The following TBC1D22A variants were observed in gnomAD, a reference collection of about 807,000 sequenced individuals.
TBC1D22A encodes putative GTPase activator.
In TBC1D22A, 38 loss-of-function variants were observed where a neutral mutation model predicts 60.2. That is an observed-to-expected ratio of 0.63 (90% CI 0.49 to 0.83). The LOEUF (loss-of-function observed/expected upper bound fraction) is 0.83. Among genes scored for constraint, TBC1D22A ranks in the 40% least tolerant of loss-of-function variants. The probability of loss-of-function intolerance (pLI) is 0.00; values close to 1 mark genes in which losing one functional copy is unlikely to be tolerated. For missense variants in TBC1D22A, 628 were observed against 701.0 expected (o/e 0.90, Z 1.18); for synonymous variants, 302 against 281.7 (o/e 1.07, Z -0.72).
chr22:47,078,878 A>G (rs1274611800), intron 11 of TBC1D22A, among the ~76,000 whole-genome samples: 3 of 151,438 alleles, frequency 2.0e-5, no homozygotes, highest in East Asian at 1.9e-4. Flanking sequence ...GTAGTATGAT[A>G]GAGAGTATTG....
chr22:47,127,521 C>G (rs1335728759), intron 12 of TBC1D22A, among the ~76,000 whole-genome samples: 3 of 151,940 alleles, frequency 2.0e-5, no homozygotes, highest in African/African-American at 4.8e-5. Context: ...CACCACCACG[C>G]CCAGCCTGGA....
chr22:46,920,210 G>C (rs1469893374), intron 8 of TBC1D22A, among the ~76,000 whole-genome samples: 1 of 152,096 alleles, frequency 6.6e-6, no homozygotes, highest in Non-Finnish European at 1.5e-5. Flanking sequence ...CTCCCAAGTA[G>C]CTGGGACTAC....
At chr22:47,006,939 C>T (rs2061612207) in intron 10 of TBC1D22A, among the ~76,000 whole-genome samples, 1 of 152,158 alleles carries the variant, frequency 6.6e-6, no homozygotes, top group African/African-American at 2.4e-5. Context: ...AAACAAGTGT[C>T]ACACAGGAGC....
At chr22:46,979,491 C>T (rs780891477) in intron 9 of TBC1D22A, among the ~76,000 whole-genome samples, 10 of 152,316 alleles carry the variant, frequency 6.6e-5, no homozygotes, top group East Asian at 1.9e-4. Flanking sequence ...CTGAAGCCAG[C>T]GCACCAAGTG....
At chr22:47,065,658 G>GCAC (rs60746562) in intron 11 of TBC1D22A, among the ~76,000 whole-genome samples, 31 of 151,774 alleles carry the variant, frequency 2.0e-4, no homozygotes, top group East Asian at 1.2e-3. Context: ...TTGGATTGAG[G>GCAC]GAGACCTGCG....
chr22:47,110,038 G>T (rs2065790318), intron 11 of TBC1D22A, among the ~76,000 whole-genome samples: 2 of 152,266 alleles, frequency 1.3e-5, no homozygotes, highest in South Asian at 4.2e-4. Context: ...TACCCCAGAT[G>T]TTCCTGCCAT....
intron 7 of TBC1D22A, among the ~76,000 whole-genome samples, chr22:46,906,834 G>C (rs902399204): frequency 2.3e-5 from 3 of 131,828 alleles, no homozygotes; most frequent in African/African-American, 9.4e-5. Flanking sequence ...ATGTGTGTGT[G>C]TTCTTTTTTG....
intron 12 of TBC1D22A, among the ~76,000 whole-genome samples, chr22:47,167,390 C>G (rs112285594): frequency 0.018 from 2,783 of 152,288 alleles, 84 homozygotes; most frequent in African/African-American, 0.064. Flanking sequence ...CTTTTTCACT[C>G]CAGCGGTTCA....
chr22:46,762,766 T>G lies in TBC1D22A; in HGVS notation c.-21T>G. 7.0e-7 allele frequency: 1 copy of G among 1,425,490 alleles called. No homozygotes were observed. The highest frequency in any genetic ancestry group is 9.1e-7 in the Non-Finnish European group (1 of 1,094,412). The allele number at this position is 1,425,490 out of a possible 1,614,324, so 88.3% of individuals were successfully genotyped here. ...GCACTCGGGGTGTCTGGGCCGCGGG[T>G]CTGAGGGATGAGGAGGGGCCATGGC... On this transcript the variant is annotated 5_prime_UTR_variant, in exon 1 of 13. Coordinates refer to ENST00000337137, the MANE Select transcript of TBC1D22A (RefSeq NM_014346.5).
At chr22:46,805,304 T>C (rs984240977) in intron 4 of TBC1D22A, among the ~76,000 whole-genome samples, 1 of 152,246 alleles carries the variant, frequency 6.6e-6, no homozygotes, top group African/African-American at 2.4e-5. Context: ...GGTTTTCCAG[T>C]TGACACAGGG....
In TBC1D22A at chr22:46,951,530, G is replaced by A. The variant is rs577714074; in HGVS notation, c.1016-22760G>A. Among the ~76,000 whole-genome samples, 24 of 152,318 alleles carry A rather than the reference G, an allele frequency of 1.6e-4. No individual in the cohort carries two copies. In the South Asian group the frequency reaches 2.7e-3, roughly 17 times the overall value. On this transcript the variant is annotated intron_variant, in intron 8 of 12. Coordinates refer to ENST00000337137, the MANE Select transcript of TBC1D22A (RefSeq NM_014346.5). ...TAAGAGAGTGATGGGACATCTGCAC[G>A]GACATGGCTGTATTTCACGCCAGTT...
intron 8 of TBC1D22A, among the ~76,000 whole-genome samples, chr22:46,966,644 C>T (rs1024791688): frequency 7.2e-5 from 11 of 152,172 alleles, no homozygotes; most frequent in East Asian, 3.8e-4. Context: ...CTCATCAAAA[C>T]GAGGACGGCA....
intron 4 of TBC1D22A, among the ~76,000 whole-genome samples, chr22:46,814,499 A>G (rs1014083372): frequency 6.6e-6 from 1 of 152,188 alleles, no homozygotes; most frequent in African/African-American, 2.4e-5. Flanking sequence ...ATAAAAACCC[A>G]TGTAAACTAC....
intron 4 of TBC1D22A, among the ~76,000 whole-genome samples, chr22:46,812,521 A>G (rs368286045): frequency 6.6e-6 from 1 of 152,118 alleles, no homozygotes; most frequent in Non-Finnish European, 1.5e-5. Context: ...CAGCCTCGTC[A>G]GCCACTCTTC....
chr22:46,963,377 C>CTCATCACACTGCCTGCCCTGGGT (rs1373445843), intron 8 of TBC1D22A, among the ~76,000 whole-genome samples: 222 of 151,294 alleles, frequency 1.5e-3, no homozygotes, highest in African/African-American at 2.0e-3. Context: ...TCCCGCAGTG[C>CTCATCACACTGCCTGCCCTGGGT]CCAAGGCTGG....
chr22:46,949,635 A>G (rs1383242100), intron 8 of TBC1D22A, among the ~76,000 whole-genome samples: 1 of 152,208 alleles, frequency 6.6e-6, no homozygotes, highest in Non-Finnish European at 1.5e-5. Flanking sequence ...CATTTCATCC[A>G]TCTGCCGACC....
At chr22:46,987,464 T>A (rs1466614747) in intron 9 of TBC1D22A, among the ~76,000 whole-genome samples, 3 of 152,234 alleles carry the variant, frequency 2.0e-5, no homozygotes, top group Admixed American at 6.5e-5. Flanking sequence ...ATGGTTTTTA[T>A]AGGTATACCT....
intron 10 of TBC1D22A, among the ~76,000 whole-genome samples, chr22:47,022,048 C>T (rs1038163414): frequency 6.6e-6 from 1 of 152,198 alleles, no homozygotes; most frequent in Non-Finnish European, 1.5e-5. Context: ...AGAATACAAT[C>T]AGGATTAATA....
chr22:47,000,825 C>G (rs1208224503), intron 10 of TBC1D22A, among the ~76,000 whole-genome samples: 1 of 125,572 alleles, frequency 8.0e-6, no homozygotes, highest in African/African-American at 3.5e-5. Context: ...ATTAAGCCAA[C>G]AAAGCAAAAA....
Sources: gnomAD v4.1 joint callset for allele counts (sites outside exome capture counted in the v4.1 genomes callset) on GRCh38, gnomAD v4.1.1 for gene constraint, MANE v1.5 for transcripts, NCBI Gene and HGNC (gene_info 2026-07-23, HGNC 2026-07-21) for gene names.